The following ADAD2 variants were observed in gnomAD, a reference collection of about 807,000 sequenced individuals.
ADAD2 encodes the protein adenosine deaminase domain-containing protein 2.
Under a neutral mutation model 54.5 loss-of-function variants are expected in ADAD2, and 60 were observed. The ratio of observed to expected loss-of-function variants is 1.10; its 90% CI spans 0.89 to 1.36. ADAD2 has a LOEUF of 1.36. Ranked by LOEUF, ADAD2 falls within the 40% of genes most tolerant of loss-of-function variation. The probability of loss-of-function intolerance (pLI) is 0.00; values close to 1 mark genes in which losing one functional copy is unlikely to be tolerated. For missense variants in ADAD2, 1,103 were observed against 801.3 expected, an observed-to-expected ratio of 1.38 and a Z score of -4.54; for synonymous variants, 543 against 366.2, an observed-to-expected ratio of 1.48 and a Z score of -5.51.
rs557283367 is a variant in ADAD2 at position 84,191,262 on chromosome 16, A to T, written c.32A>T (p.Asp11Val). 3 of 1,605,452 alleles carry T rather than the reference A, an allele frequency of 1.9e-6. No homozygotes were observed. The highest frequency in any genetic ancestry group is 2.5e-6 in the Non-Finnish European group (3 of 1,176,994). MASASQGADD[D>V]GSRRKPRLAA... is the part of the protein sequence containing the mutation. Reference sequence around the variant, plus strand: ...TCGGCTTCTCAGGGCGCTGACGACGACGGCAGTCGTAGGAAGCCCCGCCTG... The same window carrying T: ...TCGGCTTCTCAGGGCGCTGACGACGTCGGCAGTCGTAGGAAGCCCCGCCTG... The change falls in exon 1 of 10, where the codon GAC (aspartate) becomes GTC (valine). Residue 11 changes from aspartate to valine, a missense_variant. Coordinates refer to ENST00000315906, the MANE Select transcript of ADAD2 (RefSeq NM_001145400.2).
chr16:84,195,592 T>C lies in ADAD2; in HGVS notation c.947T>C (p.Val316Ala). The C allele has an allele frequency of 5.6e-6, 9 of 1,604,264 alleles. No homozygotes were observed. The highest frequency in any genetic ancestry group is 1.1e-5 in the South Asian group (1 of 89,950). The part of the protein sequence containing the change: ...QGGPKGKEQS[V>A]LAPQPGPGPP... ...GGCCCCAAGGGCAAGGAGCAGTCCG[T>C]GCTGGCCCCCCAGCCAGGGCCCGGA... The change falls in exon 6 of 10, where the codon GTG becomes GCG. Residue 316 changes from valine (V) to alanine (A), a missense_variant. Transcript: ENST00000315906.
In ADAD2 at chr16:84,196,862, C is replaced by CGCCCTAGGCTGG; in HGVS notation, c.1648-1_1658dup. On this transcript the variant is annotated splice_polypyrimidine_tract_variant and splice_region_variant and intron_variant, in intron 9 of 9. Coordinates refer to ENST00000315906, the MANE Select transcript of ADAD2 (RefSeq NM_001145400.2). ...TCCTCTCACCCCACCTCTCATCTCC[C>CGCCCTAGGCTGG]GCCCTAGGCTGGGCCCTACCAGGAG... is the stretch of plus-strand genomic sequence containing the variant. 2.5e-6 allele frequency: 4 copies of CGCCCTAGGCTGG among 1,588,964 alleles called. No individual in the cohort carries two copies. Among genetic ancestry groups the CGCCCTAGGCTGG allele is most frequent in the Non-Finnish European group, 3.4e-6 (4 of 1,165,974 alleles).
At chr16:84,192,539 T>A (rs2089669280) in intron 1 of ADAD2, 2 of 152,604 alleles carry the variant, frequency 1.3e-5, no homozygotes, top group Non-Finnish European at 2.9e-5. Context: ...TTGTTTGTTT[T>A]TCTTTTTTCT....
chr16:84,195,228 GC>G (rs773922416), intron 4 of ADAD2, 34 bp downstream of exon 4: 17 of 1,610,094 alleles, frequency 1.1e-5, no homozygotes, highest in Non-Finnish European at 1.4e-5. Context: ...CCTGGCCCCG[GC>G]CCCCTGGGAA....
chr16:84,196,071 G>C (rs757525623), intron 7 of ADAD2, 27 bp downstream of exon 7: 1 of 1,599,332 alleles, frequency 6.3e-7, no homozygotes, highest in Non-Finnish European at 8.5e-7. Context: ...GGCTGGGGGG[G>C]TGAGAAGGGA....
intron 1 of ADAD2, among the ~76,000 whole-genome samples, chr16:84,192,201 G>A (rs1309438496): frequency 1.3e-5 from 2 of 152,180 alleles, no homozygotes; most frequent in Non-Finnish European, 2.9e-5. Context: ...CTGGAATGCG[G>A]TGGAACAAGC....
rs369088684 is a variant in ADAD2, at chr16:84,195,846, C to A, written c.1084C>A (p.His362Asn). 1.2e-6 allele frequency: 2 copies of A among 1,607,208 alleles called. No homozygotes were observed. Among genetic ancestry groups the A allele is most frequent in the African/African-American group, 2.7e-5 (2 of 74,708 alleles). Residue 362 changes from histidine (H) to asparagine (N), a missense_variant, in exon 7 of 10, where the codon CAC becomes AAC. His to Asn is a moderately conservative substitution (Grantham distance 68, BLOSUM62 1). Coordinates refer to ENST00000315906, the MANE Select transcript of ADAD2 (RefSeq NM_001145400.2). ...LPPTSEGGLPHSPPMRLQAHV... is the reference protein window; with the variant it reads ...LPPTSEGGLPNSPPMRLQAHV... The stretch of plus-strand genomic sequence containing the variant: ...CCCCACCTCGGAAGGTGGCCTCCCG[C>A]ACAGCCCACCCATGCGCCTGCAGGC...
Position 84,191,562 on chromosome 16 carries a change from C to T in ADAD2, c.332C>T (p.Pro111Leu). The T allele has an allele frequency of 1.3e-6, 2 of 1,549,006 alleles. No individual in the cohort carries two copies. Among genetic ancestry groups the T allele is most frequent in the South Asian group, 1.2e-5 (1 of 84,066 alleles). ...GGGCTCAGCCTGCCGCTCAAAGACC[C>T]ACCTGCCAGCCAGGCCGTGTCCTTG... ...PAGLSLPLKD[P>L]PASQAVSLLT... is the part of the protein sequence containing the mutation. The change falls in exon 1 of 10, where the codon CCA becomes CTA. Residue 111 changes from proline (P) to leucine (L), a missense_variant. Coordinates refer to ENST00000315906, the MANE Select transcript of ADAD2 (RefSeq NM_001145400.2).
chr16:84,196,196 T>C lies in ADAD2; in HGVS notation c.1352T>C (p.Leu451Pro), dbSNP rs1404204708. ...ACCCGGCCCTGCCTGGACAGTGTCC[T>C]GGGGCCATGCCTGCCACCTCCCTAC... ...IHTRPCLDSV[L>P]GPCLPPPYVR... is the part of the protein sequence containing the mutation. Residue 451 changes from leucine (L) to proline (P), a missense_variant, in exon 8 of 10, where the codon CTG (leucine) becomes CCG (proline). Physicochemically the swap from Leu to Pro is moderately conservative, Grantham distance 98. Transcript: ENST00000315906. The C allele has an allele frequency of 1.2e-6, 2 of 1,609,744 alleles. No homozygotes were observed. The highest frequency in any genetic ancestry group is 2.2e-5 in the South Asian group (2 of 91,074).
chr16:84,191,722 A>C lies in ADAD2; in HGVS notation c.418+74A>C, dbSNP rs561442926. The C allele has an allele frequency of 6.6e-5, 101 of 1,531,426 alleles. 1 individual carries two copies. The African/African-American group carries it at 9.6e-4, about 15-fold the overall frequency. The allele number at this position is 1,531,426 out of a possible 1,614,324, so 94.9% of individuals were successfully genotyped here. A position where few individuals can be genotyped will look rare whatever the true frequency, so the allele number is the denominator to read the frequency against. ...GGCTGGGTCCCAGGACGTGGGGAGC[A>C]GGGGGTCTGGGGAAGGTGGACCTTG... is the stretch of plus-strand genomic sequence containing the variant. On this transcript the variant is annotated intron_variant, in intron 1 of 9. Transcript: ENST00000315906.
chr16:84,196,356 G>T lies in ADAD2; in HGVS notation c.1512G>T (p.Gly504=), dbSNP rs961409900. 2 of 1,611,988 alleles carry T rather than the reference G, an allele frequency of 1.2e-6. No individual in the cohort carries two copies. Among genetic ancestry groups the T allele is most frequent in the South Asian group, 2.2e-5 (2 of 90,944 alleles). The part of the protein sequence containing the change: ...PGIEVVDVAT[G]RVKANAALGP... ...TCGAGGTTGTGGATGTGGCCACCGG[G>T]CGTGTGAAGGCCAAGTGAGAAGGGC... is the stretch of plus-strand genomic sequence containing the variant. The change falls in exon 8 of 10, where the codon GGG becomes GGT. Residue 504 remains glycine, a synonymous_variant. Coordinates refer to ENST00000315906, the MANE Select transcript of ADAD2 (RefSeq NM_001145400.2).
At position 84,191,370 on chromosome 16, in the gene ADAD2, C is replaced by T. The variant is rs1042858198; in HGVS notation, c.140C>T (p.Pro47Leu). Residue 47 changes from proline (P) to leucine (L), a missense_variant, in exon 1 of 10, where the codon CCC becomes CTC. Pro to Leu is a moderately conservative substitution (Grantham distance 98). Coordinates refer to ENST00000315906, the MANE Select transcript of ADAD2 (RefSeq NM_001145400.2). Reference protein sequence around the residue: ...AQAQSAWGPAPAPATYRAEGG... With the variant: ...AQAQSAWGPALAPATYRAEGG... ...GCCCAAAGTGCCTGGGGGCCCGCGC[C>T]CGCGCCCGCGACGTATCGCGCGGAG... 1 of 1,531,242 alleles carries T rather than the reference C, an allele frequency of 6.5e-7. No homozygotes were observed. The highest frequency in any genetic ancestry group is 2.2e-5 in the Admixed American group (1 of 45,718). 94.9% of individuals were successfully genotyped at this position (1,531,242 alleles called of 1,614,324 possible).
intron 1 of ADAD2, among the ~76,000 whole-genome samples, chr16:84,192,322 T>G (rs2089666471): frequency 6.6e-6 from 1 of 152,046 alleles, no homozygotes; most frequent in Non-Finnish European, 1.5e-5. Context: ...TTTTTGTATT[T>G]TTTTTGTAGA....
At chr16:84,191,791 G>GCTTGGGAC in intron 1 of ADAD2, 143 bp downstream of exon 1, 3 of 1,274,064 alleles carry the variant, frequency 2.4e-6, no homozygotes, top group Non-Finnish European at 3.3e-6. Context: ...CCTGGCCTGA[G>GCTTGGGAC]CTTGGGACCT....
Position 84,196,968 on chromosome 16 carries a change from A to C in ADAD2, c.1746A>C (p.Arg582Ser). Residue 582 changes from arginine (R) to serine (S), a missense_variant, in exon 10 of 10, where the codon AGA becomes AGC. Transcript: ENST00000315906. ...WPSKPLVGKFRN is the reference protein window; with the variant it reads ...WPSKPLVGKFSN Reference sequence around the variant, plus strand: ...CGAAGCCACTGGTGGGCAAATTCAGAAACTGAAGCCAGCCTCGGCGGGACC... The same window carrying C: ...CGAAGCCACTGGTGGGCAAATTCAGCAACTGAAGCCAGCCTCGGCGGGACC... 1 of 1,601,656 alleles carries C rather than the reference A, an allele frequency of 6.2e-7. No homozygotes were observed. Among genetic ancestry groups the C allele is most frequent in the South Asian group, 1.1e-5 (1 of 88,920 alleles).
In ADAD2 at chr16:84,195,390, G is replaced by T. The variant is rs1042162931; in HGVS notation, c.828G>T (p.Ser276=). 2.5e-6 allele frequency: 4 copies of T among 1,608,642 alleles called. No homozygotes were observed. Among genetic ancestry groups the T allele is most frequent in the Non-Finnish European group, 3.4e-6 (4 of 1,179,324 alleles). Residue 276 remains serine, a synonymous_variant, in exon 5 of 10, where the codon TCG becomes TCT. Transcript: ENST00000315906. Reference sequence around the variant, plus strand: ...GCTGTGCTGGCTGGCTGGAGTTCTCGGGCCAGCAGCTCCACGACTGCCATG... The same window carrying T: ...GCTGTGCTGGCTGGCTGGAGTTCTCTGGCCAGCAGCTCCACGACTGCCATG... The part of the protein sequence containing the change: ...SSCCAGWLEF[S]GQQLHDCHGL...
At position 84,191,464 on chromosome 16, in the gene ADAD2, G is replaced by C. The variant is rs963564549; in HGVS notation, c.234G>C (p.Leu78=). Reference sequence around the variant, plus strand: ...GGGCAGGGGCCGGAGTCGGGGAACTGGGGGCAGCCCGGGCGTGGGAAAACT... The same window carrying C: ...GGGCAGGGGCCGGAGTCGGGGAACTCGGGGCAGCCCGGGCGTGGGAAAACT... ...GPGAGAGVGE[L]GAARAWENLG... is the part of the protein sequence containing the mutation. Residue 78 remains leucine, a synonymous_variant, in exon 1 of 10, where the codon CTG becomes CTC. Transcript: ENST00000315906. The C allele has an allele frequency of 1.0e-5, 16 of 1,531,530 alleles. No individual in the cohort carries two copies. In the African/African-American group the frequency reaches 1.8e-4, roughly 17 times the overall value. The allele number at this position is 1,531,530 out of a possible 1,614,324, so 94.9% of individuals were successfully genotyped here.
chr16:84,194,462 G>C lies in ADAD2; in HGVS notation c.439G>C (p.Val147Leu). Residue 147 changes from valine (V) to leucine (L), a missense_variant, in exon 2 of 10, where the codon GTG (valine) becomes CTG (leucine). Physicochemically the swap from Val to Leu is conservative, Grantham distance 32. Transcript: ENST00000315906. ...QPPGPCFPFSVSAELDGVVCP... is the reference protein window; with the variant it reads ...QPPGPCFPFSLSAELDGVVCP... ...CCCAGGTCCCTGCTTCCCCTTCTCG[G>C]TGAGCGCGGAACTGGATGGGGTGGT... 1 of 1,607,666 alleles carries C rather than the reference G, an allele frequency of 6.2e-7. No individual in the cohort carries two copies. Among genetic ancestry groups the C allele is most frequent in the Non-Finnish European group, 8.5e-7 (1 of 1,179,626 alleles).
Position 84,194,951 on chromosome 16 carries a change from G to GC in ADAD2, c.580dup (p.Arg194ProfsTer16). On this transcript the variant is annotated frameshift_variant, in exon 3 of 10. Transcript: ENST00000315906. LOFTEE classifies it high-confidence loss of function. ...CTTTCAGAGTCCCCCCAGACCTCCA[G>GC]CCGGCCTCCACTGGCCCCCCTGAGC... The GC allele has an allele frequency of 6.2e-7, 1 of 1,612,114 alleles. No individual in the cohort carries two copies. Among genetic ancestry groups the GC allele is most frequent in the South Asian group, 1.1e-5 (1 of 90,876 alleles).
Sources: allele counts gnomAD v4.1 joint callset (sites outside exome capture counted in the v4.1 genomes callset), GRCh38; gene constraint gnomAD v4.1.1; transcripts MANE v1.5; gene names NCBI Gene and HGNC (gene_info 2026-07-23, HGNC 2026-07-21).